The following ZNF804B variants were observed in gnomAD, a reference collection of about 807,000 sequenced individuals.
ZNF804B encodes the protein zinc finger protein 804B.
Under a neutral mutation model 101.4 loss-of-function variants are expected in ZNF804B, and 80 were observed. The observed-to-expected ratio is 0.79, with a 90% CI of 0.66 to 0.95. The LOEUF (loss-of-function observed/expected upper bound fraction) is 0.95, where lower values mean the gene tolerates loss of function less well. ZNF804B is among the 40% of genes least tolerant of loss of function. ZNF804B has a pLI of 0.00. For missense variants in ZNF804B, 1,673 were observed against 1,561.9 expected (o/e 1.07, Z -1.20); for synonymous variants, 622 against 558.8 (o/e 1.11, Z -1.59).
chr7:89,104,272 C>G (rs929311752), intron 1 of ZNF804B, among the ~76,000 whole-genome samples: 2 of 152,090 alleles, frequency 1.3e-5, no homozygotes, highest in South Asian at 4.2e-4. Context: ...AAGGATCTCT[C>G]CTCTTCAATT....
intron 1 of ZNF804B, among the ~76,000 whole-genome samples, chr7:89,164,087 T>A (rs1584026175): frequency 6.6e-6 from 1 of 152,062 alleles, no homozygotes; most frequent in Admixed American, 6.6e-5. Flanking sequence ...GGTTTTAAAA[T>A]GTACCACCGA....
chr7:89,155,091 A>G (rs1476450993), intron 1 of ZNF804B, among the ~76,000 whole-genome samples: 4 of 152,158 alleles, frequency 2.6e-5, no homozygotes, highest in Non-Finnish European at 4.4e-5. Flanking sequence ...ATCTTATTGT[A>G]TGTTTCTTCT....
intron 2 of ZNF804B, among the ~76,000 whole-genome samples, chr7:89,228,975 A>G (rs1048740203): frequency 2.5e-4 from 38 of 152,308 alleles, no homozygotes; most frequent in Admixed American, 2.0e-3. Flanking sequence ...CCCAGGTGCT[A>G]GGCCCCTCAC....
chr7:89,224,396 C>G lies in ZNF804B; in HGVS notation c.249+6101C>G, dbSNP rs1267554124. On this transcript the variant is annotated intron_variant, in intron 2 of 3. Coordinates refer to ENST00000333190, the MANE Select transcript of ZNF804B (RefSeq NM_181646.5). ...ACTTGCTCTGGATAACATATCAAAA[C>G]AGAACTACCATTGTCATCTTGACCT... Among the ~76,000 whole-genome samples the G allele has an allele frequency of 2.0e-5, 3 of 152,026 alleles. No homozygotes were observed. In the East Asian group the frequency reaches 5.8e-4, roughly 29 times the overall value.
At chr7:89,206,133 C>T (rs969187591) in intron 1 of ZNF804B, among the ~76,000 whole-genome samples, 1 of 152,190 alleles carries the variant, frequency 6.6e-6, no homozygotes, top group Non-Finnish European at 1.5e-5. Context: ...ACACAAGACA[C>T]CAAGTCCCAA....
intron 1 of ZNF804B, among the ~76,000 whole-genome samples, chr7:88,798,898 A>T (rs1790534192): frequency 6.6e-6 from 1 of 152,086 alleles, no homozygotes; most frequent in South Asian, 2.1e-4. Context: ...CTGTCTGTCT[A>T]CGTATCTGGA....
intron 2 of ZNF804B, among the ~76,000 whole-genome samples, chr7:89,285,532 AAAAAAAAAAAAAAAAAG>A (rs1790177693): frequency 7.6e-6 from 1 of 131,810 alleles, no homozygotes; most frequent in Non-Finnish European, 1.6e-5. Context: ...CAAAAAAAAA[AAAAAAAAAAAAAAAAAG>A]AAGAAGAAGA....
intron 1 of ZNF804B, among the ~76,000 whole-genome samples, chr7:88,873,996 G>A (rs148559027): frequency 0.25 from 38,403 of 151,902 alleles, 5,419 homozygotes; most frequent in East Asian, 0.45. Flanking sequence ...GTTTTTTCCA[G>A]TTCTGGGAAG....
chr7:88,801,788 G>A (rs9641036), intron 1 of ZNF804B, among the ~76,000 whole-genome samples: 8,426 of 152,108 alleles, frequency 0.055, 431 homozygotes, highest in East Asian at 0.28. Flanking sequence ...ATGAATATAT[G>A]TATTAATGAA....
intron 1 of ZNF804B, among the ~76,000 whole-genome samples, chr7:89,174,224 C>T (rs1791283601): frequency 6.6e-6 from 1 of 151,886 alleles, no homozygotes; most frequent in Non-Finnish European, 1.5e-5. Context: ...TAACAATCTC[C>T]ACTTACTCTC....
At chr7:89,132,761 A>G (rs551240705) in intron 1 of ZNF804B, among the ~76,000 whole-genome samples, 1 of 152,156 alleles carries the variant, frequency 6.6e-6, no homozygotes, top group African/African-American at 2.4e-5. Flanking sequence ...GGCTAGAATG[A>G]AGCCAAATTA....
intron 2 of ZNF804B, among the ~76,000 whole-genome samples, chr7:89,229,364 G>A (rs7799054): frequency 0.29 from 44,034 of 152,104 alleles, 6,603 homozygotes; most frequent in South Asian, 0.34. Context: ...CCGATTAAAA[G>A]AAAACTAATA....
intron 1 of ZNF804B, among the ~76,000 whole-genome samples, chr7:89,212,777 G>A (rs932769603): frequency 6.6e-6 from 1 of 152,078 alleles, no homozygotes; most frequent in Admixed American, 6.6e-5. Context: ...ATCTAGAAAA[G>A]GGTAGGTAAC....
chr7:88,980,527 G>A (rs1793680523), intron 1 of ZNF804B, among the ~76,000 whole-genome samples: 1 of 152,082 alleles, frequency 6.6e-6, no homozygotes. Context: ...TGCAATAGGA[G>A]GCACTCCAAG....
chr7:89,074,468 G>A (rs541743820), intron 1 of ZNF804B, among the ~76,000 whole-genome samples: 2 of 152,228 alleles, frequency 1.3e-5, no homozygotes, highest in South Asian at 2.1e-4. Flanking sequence ...AAAAAGGGGA[G>A]TTTCCTTGCA....
chr7:89,280,722 G>C (rs550565831), intron 2 of ZNF804B, among the ~76,000 whole-genome samples: 2 of 152,274 alleles, frequency 1.3e-5, no homozygotes, highest in Non-Finnish European at 2.9e-5. Flanking sequence ...TTGAATCTCT[G>C]AATAGACCAA....
chr7:89,332,955 AT>A (rs1554321707), intron 3 of ZNF804B, among the ~76,000 whole-genome samples: 1 of 151,840 alleles, frequency 6.6e-6, no homozygotes, highest in Admixed American at 6.6e-5. Flanking sequence ...ATTTAAAAAA[AT>A]TTTTATATTT....
intron 1 of ZNF804B, among the ~76,000 whole-genome samples, chr7:88,950,292 T>A (rs1327727579): frequency 1.3e-5 from 2 of 151,974 alleles, no homozygotes; most frequent in Admixed American, 6.6e-5. Context: ...TTTAATTAGA[T>A]TGTCTATTTA....
chr7:88,826,793 C>T (rs978782518), intron 1 of ZNF804B, among the ~76,000 whole-genome samples: 7 of 151,862 alleles, frequency 4.6e-5, no homozygotes, highest in African/African-American at 1.7e-4. Flanking sequence ...CAGAAGCGAT[C>T]CTGGAAAATT....
Sources: gnomAD v4.1 joint callset for allele counts (sites outside exome capture counted in the v4.1 genomes callset) on GRCh38, gnomAD v4.1.1 for gene constraint, MANE v1.5 for transcripts, NCBI Gene and HGNC (gene_info 2026-07-23, HGNC 2026-07-21) for gene names.